Variants in RAD51 observed in about 807,000 individuals in gnomAD.
RAD51 encodes the protein DNA repair protein RAD51 homolog 1.
In RAD51, 14 loss-of-function variants were observed where a neutral mutation model predicts 41.5. That is an observed-to-expected ratio of 0.34 (90% confidence interval 0.22 to 0.53). The LOEUF is 0.53. Ranked by LOEUF, RAD51 falls within the 20% of genes least tolerant of loss-of-function variation. The pLI, the probability that RAD51 is intolerant of heterozygous loss-of-function variation, is 0.95. For synonymous variants in RAD51, 136 were observed against 148.6 expected, an observed-to-expected ratio of 0.92 and a Z score of 0.62; for missense variants, 234 against 422.0, an observed-to-expected ratio of 0.55 and a Z score of 3.90.
chr15:40,710,596 T>A (rs1425876500), intron 5 of RAD51, among the ~76,000 whole-genome samples: 1 of 152,086 alleles, frequency 6.6e-6, no homozygotes, highest in Non-Finnish European at 1.5e-5. Flanking sequence ...GGCAGTCTAC[T>A]TTCTCCATTT....
chr15:40,727,030 C>T (rs186808754), intron 6 of RAD51, among the ~76,000 whole-genome samples: 260 of 152,122 alleles, frequency 1.7e-3, no homozygotes, highest in African/African-American at 4.7e-3. Context: ...TTGTGAGTGC[C>T]GCTGAGAGAA....
chr15:40,696,053 T>G (rs536210790), intron 1 of RAD51, among the ~76,000 whole-genome samples: 82 of 152,130 alleles, frequency 5.4e-4, no homozygotes, highest in African/African-American at 2.0e-3. Context: ...GATTTTTGTA[T>G]TTTTAGTAGA....
chr15:40,706,309 T>C lies in RAD51; in HGVS notation c.343+15T>C. On this transcript the variant is annotated intron_variant, in intron 4 of 9. Coordinates refer to ENST00000267868, the MANE Select transcript of RAD51 (RefSeq NM_002875.5). ...ACTACTTCAAGGTGTAGTAATCCTT[T>C]ATCCTGTGTTGTGAACTCTAGTTAG... 6.4e-7 allele frequency: 1 copy of C among 1,568,752 alleles called. No homozygotes were observed. Among genetic ancestry groups the C allele is most frequent in the Non-Finnish European group, 8.8e-7 (1 of 1,138,692 alleles).
chr15:40,724,144 CA>C (rs958430944), intron 6 of RAD51, among the ~76,000 whole-genome samples: 5 of 152,244 alleles, frequency 3.3e-5, no homozygotes, highest in African/African-American at 9.6e-5. Context: ...ATGGTAATTG[CA>C]GCTTTTTGTC....
intron 1 of RAD51, among the ~76,000 whole-genome samples, chr15:40,697,934 C>T (rs559822732): frequency 4.7e-4 from 72 of 152,304 alleles, no homozygotes; most frequent in Non-Finnish European, 8.7e-4. Flanking sequence ...TTCACTTAAA[C>T]ACTTGTCATT....
chr15:40,724,670 A>ATTTGT lies in RAD51; in HGVS notation c.531-4038_531-4037insGTTTT, dbSNP rs757564729. 4.1e-3 allele frequency among the ~76,000 whole-genome samples: 295 copies of ATTTGT among 72,018 alleles called. 36 individuals are homozygous for ATTTGT. The highest frequency in any genetic ancestry group is 8.4e-3 in the South Asian group (15 of 1,778). The allele number at this position is 72,018 out of a possible 152,430, so 47.2% of individuals were successfully genotyped here. A position where few individuals can be genotyped will look rare whatever the true frequency, so the allele number is the denominator to read the frequency against. On this transcript the variant is annotated intron_variant, in intron 6 of 9. Coordinates refer to ENST00000267868, the MANE Select transcript of RAD51 (RefSeq NM_002875.5). ...ACCACCAAGCCCAGCTAATTTTTTT[A>ATTTGT]TTTCTTTTTTTTTTTTTTTTTTTTT...
chr15:40,727,447 G>A (rs1383278303), intron 6 of RAD51, among the ~76,000 whole-genome samples: 1 of 151,610 alleles, frequency 6.6e-6, no homozygotes, highest in Non-Finnish European at 1.5e-5. Context: ...TAGCTGAGAA[G>A]CAGGGATTAC....
chr15:40,709,485 T>C (rs1360090677), intron 5 of RAD51, among the ~76,000 whole-genome samples: 2 of 151,070 alleles, frequency 1.3e-5, no homozygotes, highest in Non-Finnish European at 2.9e-5. Context: ...GTGATTCTCC[T>C]TCATCAACCT....
chr15:40,719,355 G>A (rs1316589640), intron 6 of RAD51, among the ~76,000 whole-genome samples: 6 of 150,088 alleles, frequency 4.0e-5, no homozygotes, highest in Non-Finnish European at 5.9e-5. Flanking sequence ...CACCGCACCC[G>A]GCCAGAAAAA....
chr15:40,729,155 A>G (rs1203707169), intron 7 of RAD51, among the ~76,000 whole-genome samples: 1 of 151,956 alleles, frequency 6.6e-6, no homozygotes, highest in Non-Finnish European at 1.5e-5. Context: ...GGTGGATCAC[A>G]AGGTCAGGAG....
chr15:40,707,642 TCATTATGC>T (rs2141833652), intron 4 of RAD51, among the ~76,000 whole-genome samples: 1 of 152,234 alleles, frequency 6.6e-6, no homozygotes, highest in South Asian at 2.1e-4. Flanking sequence ...TGCTATACTA[TCATTATGC>T]AAGAGGTTAA....
chr15:40,723,218 T>C (rs1317636259), intron 6 of RAD51, among the ~76,000 whole-genome samples: 2 of 152,150 alleles, frequency 1.3e-5, no homozygotes, highest in Non-Finnish European at 2.9e-5. Flanking sequence ...TGGGAGGATG[T>C]AGAGAAACTG....
At chr15:40,715,029 C>A (rs1895916058) in intron 5 of RAD51, among the ~76,000 whole-genome samples, 4 of 151,928 alleles carry the variant, frequency 2.6e-5, no homozygotes. Context: ...AAAAACAGTT[C>A]TGAGAAGACA....
At chr15:40,695,798 A>G (rs959232353) in intron 1 of RAD51, 1 of 152,234 alleles carries the variant, frequency 6.6e-6, no homozygotes, top group Non-Finnish European at 1.5e-5. Context: ...CCGATTGCCA[A>G]AACAGTGTTT....
intron 6 of RAD51, among the ~76,000 whole-genome samples, chr15:40,725,247 G>C (rs1008202968): frequency 6.6e-6 from 1 of 151,982 alleles, no homozygotes; most frequent in Non-Finnish European, 1.5e-5. Flanking sequence ...GCCCAGGCTG[G>C]TCTCAAACTC....
Position 40,731,207 on chromosome 15 carries a change from C to T in RAD51, c.*29C>T. 3 of 1,613,564 alleles carry T rather than the reference C, an allele frequency of 1.9e-6. No individual in the cohort carries two copies. Among genetic ancestry groups the T allele is most frequent in the East Asian group, 4.5e-5 (2 of 44,870 alleles). ...ATTGGGTTTTTCCTCTGTTAAAAAC[C>T]TTAAGTGCTGCAGCCTAATGAGAGT... On this transcript the variant is annotated 3_prime_UTR_variant, in exon 10 of 10. Transcript: ENST00000267868.
Position 40,728,718 on chromosome 15 carries a change from C to G in RAD51, c.538C>G (p.Leu180Val), listed in dbSNP as rs1210342872. 2 of 1,613,738 alleles carry G rather than the reference C, an allele frequency of 1.2e-6. No homozygotes were observed. Among genetic ancestry groups the G allele is most frequent in the East Asian group, 2.2e-5 (1 of 44,882 alleles). ...RLLAVAERYG[L>V]SGSDVLDNVA... ...TTCTCTCCTCTCTCATAGGTATGGT[C>G]TCTCTGGCAGTGATGTCCTGGATAA... Residue 180 changes from leucine (L) to valine (V), a missense_variant, in exon 7 of 10, where the codon CTC becomes GTC. Leu to Val is a conservative substitution (Grantham distance 32). Transcript: ENST00000267868.
rs377571591 is a variant in RAD51, at chr15:40,701,080, C to T, written c.104C>T (p.Ala35Val). Residue 35 changes from alanine (A) to valine (V), a missense_variant, in exon 3 of 10, where the codon GCC (alanine) becomes GTC (valine). Ala to Val is a moderately conservative substitution (Grantham distance 64). Around this residue, in one of 2 missense-constraint regions of RAD51, gnomAD observed 100 missense variants for 135.5 expected, o/e 0.74. Coordinates refer to ENST00000267868, the MANE Select transcript of RAD51 (RefSeq NM_002875.5). ...CATTTGCAGCAGTGTGGCATAAATG[C>T]CAACGATGTGAAGAAATTGGAAGAA... The part of the protein sequence containing the change: ...ISRLEQCGIN[A>V]NDVKKLEEAG... 1 of 1,614,172 alleles carries T rather than the reference C, an allele frequency of 6.2e-7. No homozygotes were observed. The highest frequency in any genetic ancestry group is 8.5e-7 in the Non-Finnish European group (1 of 1,180,038).
intron 6 of RAD51, among the ~76,000 whole-genome samples, chr15:40,727,916 A>G (rs771928026): frequency 6.7e-6 from 1 of 148,848 alleles, no homozygotes; most frequent in Non-Finnish European, 1.5e-5. Flanking sequence ...CTGGTGTGCA[A>G]TGGTATGATC....
Sources: allele counts gnomAD v4.1 joint callset (sites outside exome capture counted in the v4.1 genomes callset), GRCh38; gene constraint gnomAD v4.1.1; regional missense constraint gnomAD v4.1.1; transcripts MANE v1.5; gene names NCBI Gene and HGNC (gene_info 2026-07-23, HGNC 2026-07-21).